NEBL: variants seen among roughly 807,000 people sequenced by gnomAD.
NEBL encodes nebulette, also known as LIM and SH3 protein 2.
Under a neutral mutation model 140.2 loss-of-function variants are expected in NEBL, and 122 were observed. The ratio of observed to expected loss-of-function variants is 0.87; its 90% CI spans 0.75 to 1.01. The LOEUF is 1.01. Ranked by LOEUF, NEBL falls within the 50% of genes least tolerant of loss-of-function variation. The probability of loss-of-function intolerance (pLI) is 0.00; values close to 1 mark genes in which losing one functional copy is unlikely to be tolerated. For missense variants in NEBL, 1,365 were observed against 1,231.3 expected (o/e 1.11, Z -1.62); for synonymous variants, 436 against 398.9 (o/e 1.09, Z -1.11).
At chr10:20,834,491 G>A (rs1272212014) in intron 14 of NEBL, among the ~76,000 whole-genome samples, 1 of 152,086 alleles carries the variant, frequency 6.6e-6, no homozygotes, top group East Asian at 1.9e-4. Flanking sequence ...CATTTCCCTG[G>A]CCAGTGCCTA....
intron 24 of NEBL, among the ~76,000 whole-genome samples, chr10:20,812,096 G>A (rs1588662102): frequency 6.6e-6 from 1 of 152,148 alleles, no homozygotes; most frequent in Non-Finnish European, 1.5e-5. Context: ...TTACTATTAT[G>A]GAGTACCATC....
chr10:20,955,971 C>A (rs889957941), intron 4 of NEBL, among the ~76,000 whole-genome samples: 2 of 151,344 alleles, frequency 1.3e-5, no homozygotes, highest in Admixed American at 1.3e-4. Context: ...TCTCAAACCT[C>A]CCCTTTAGAC....
At chr10:21,133,130 GTTAATTTTGTA>G (rs1839193139) in intron 2 of NEBL, among the ~76,000 whole-genome samples, 1 of 152,120 alleles carries the variant, frequency 6.6e-6, no homozygotes, top group African/African-American at 2.4e-5. Context: ...CCCATTTTGA[GTTAATTTTGTA>G]TGTGTGTGAG....
intron 26 of NEBL, among the ~76,000 whole-genome samples, chr10:20,801,639 T>C (rs1043510367): frequency 6.6e-6 from 1 of 152,074 alleles, no homozygotes; most frequent in Non-Finnish European, 1.5e-5. Flanking sequence ...GTTCCCAGTA[T>C]CTCACACATA....
chr10:20,831,294 T>C lies in NEBL; in HGVS notation c.1573A>G (p.Lys525Glu). 1 of 1,608,456 alleles carries C rather than the reference T, an allele frequency of 6.2e-7. No individual in the cohort carries two copies. Among genetic ancestry groups the C allele is most frequent in the Non-Finnish European group, 8.5e-7 (1 of 1,175,616 alleles). Residue 525 changes from lysine to glutamate, a missense_variant, in exon 16 of 28, where the codon AAG becomes GAG. This residue lies in a region of NEBL where 1,323 missense variants were observed against 1,154.8 expected (regional missense o/e 1.15). Coordinates refer to ENST00000377122, the MANE Select transcript of NEBL (RefSeq NM_006393.3). ...CCTTTAATTTCATTTTCTAAGTCCT[T>C]CTTGTATTGTTTCTAAAAGAACAGA... ...SEMASQKQYK[K>E]DLENEIKGKG...
chr10:20,986,263 C>A (rs756718335), intron 3 of NEBL, among the ~76,000 whole-genome samples: 2 of 152,110 alleles, frequency 1.3e-5, no homozygotes, highest in Non-Finnish European at 2.9e-5. Flanking sequence ...AGGTTGGTTC[C>A]GCTGTTGCAA....
In NEBL at chr10:20,869,824, G is replaced by T. The variant is rs371105861; in HGVS notation, c.498C>A (p.Asp166Glu). Residue 166 changes from aspartate to glutamate, a missense_variant, in exon 6 of 28, where the codon GAC becomes GAA. Asp to Glu is a conservative substitution (Grantham distance 45). This residue lies in a region of NEBL where 1,323 missense variants were observed against 1,154.8 expected (regional missense o/e 1.15). Coordinates refer to ENST00000377122, the MANE Select transcript of NEBL (RefSeq NM_006393.3). ...CACTGTACGTGTGGGTGTCCTGCAC[G>T]TCTTTCCTATAAGAAATCTGATCAG... ...KHQSNISYRK[D>E]VQDTHTYSAE... 15 of 1,611,594 alleles carry T rather than the reference G, an allele frequency of 9.3e-6. No homozygotes were observed. Among genetic ancestry groups the T allele is most frequent in the Middle Eastern group, 1.6e-4 (1 of 6,078 alleles).
chr10:21,121,169 T>C (rs975888971), intron 2 of NEBL, among the ~76,000 whole-genome samples: 4 of 152,292 alleles, frequency 2.6e-5, no homozygotes, highest in African/African-American at 9.6e-5. Context: ...TCATTCCTTA[T>C]CTCAAATGGC....
In NEBL at chr10:20,782,948, C is replaced by T. The variant is rs1835125286; in HGVS notation, c.*2799G>A. 1 of 152,606 alleles carries T rather than the reference C, an allele frequency of 6.6e-6. No individual in the cohort carries two copies. The highest frequency in any genetic ancestry group is 2.1e-4 in the South Asian group (1 of 4,830). 9.5% of individuals were successfully genotyped at this position (152,606 alleles called of 1,614,324 possible). On this transcript the variant is annotated 3_prime_UTR_variant, in exon 28 of 28. Coordinates refer to ENST00000377122, the MANE Select transcript of NEBL (RefSeq NM_006393.3). ...CCCTATACAGCTTTGTTTTCAGAAC[C>T]TTTTAAAAGTGTATCAAACTGTTCC...
At chr10:21,006,736 T>C (rs1056958410) in intron 3 of NEBL, among the ~76,000 whole-genome samples, 1 of 152,208 alleles carries the variant, frequency 6.6e-6, no homozygotes, top group Non-Finnish European at 1.5e-5. Flanking sequence ...TAGAGTCTGA[T>C]GGATGACAAG....
At chr10:20,854,481 T>C (rs910244094) in intron 9 of NEBL, among the ~76,000 whole-genome samples, 1 of 151,660 alleles carries the variant, frequency 6.6e-6, no homozygotes, top group African/African-American at 2.4e-5. Context: ...AGCTGCAATA[T>C]ATGTTCCCCC....
intron 24 of NEBL, among the ~76,000 whole-genome samples, chr10:20,812,255 T>C (rs1321724223): frequency 6.6e-6 from 1 of 152,168 alleles, no homozygotes; most frequent in Non-Finnish European, 1.5e-5. Context: ...AAAAACAAAG[T>C]AATTGTTCAA....
intron 3 of NEBL, among the ~76,000 whole-genome samples, chr10:21,012,588 G>A (rs1329761683): frequency 1.3e-5 from 2 of 152,004 alleles, no homozygotes; most frequent in Non-Finnish European, 2.9e-5. Context: ...TGCCTAGGCT[G>A]ATCTTGAATC....
chr10:21,122,546 A>G (rs1375589954), intron 2 of NEBL, among the ~76,000 whole-genome samples: 1 of 152,194 alleles, frequency 6.6e-6, no homozygotes, highest in Admixed American at 6.5e-5. Context: ...ATGGTGAGTG[A>G]TAAATATAAA....
chr10:20,796,220 G>A (rs541092987), intron 26 of NEBL, among the ~76,000 whole-genome samples: 56 of 151,926 alleles, frequency 3.7e-4, no homozygotes, highest in African/African-American at 1.3e-3. Context: ...AAAATTAGCA[G>A]GGCGTAGTGG....
At chr10:21,022,301 C>T (rs543286187) in intron 2 of NEBL, among the ~76,000 whole-genome samples, 3 of 152,264 alleles carry the variant, frequency 2.0e-5, no homozygotes, top group South Asian at 2.1e-4. Flanking sequence ...GTTTCAAACT[C>T]GACTCTCCTG....
chr10:20,796,389 A>AC (rs1836542538), intron 26 of NEBL, among the ~76,000 whole-genome samples: 1 of 149,866 alleles, frequency 6.7e-6, no homozygotes, highest in Non-Finnish European at 1.5e-5. Context: ...AAAAAAAAAA[A>AC]AAAAACTTCT....
chr10:20,941,221 C>CA (rs1719897395), intron 4 of NEBL, among the ~76,000 whole-genome samples: 1 of 152,212 alleles, frequency 6.6e-6, no homozygotes, highest in South Asian at 2.1e-4. Context: ...AGCAGCACTT[C>CA]AAAAAGCTTA....
chr10:20,835,495 A>G lies in NEBL; in HGVS notation c.1449+18T>C, dbSNP rs756374259. ...CCAAAATATGAGTCTTAAGGCCTGC[A>G]TCACGCACCCTACTAACCTCACTCG... On this transcript the variant is annotated intron_variant, in intron 14 of 27. Transcript: ENST00000377122. 1.3e-6 allele frequency: 2 copies of G among 1,566,060 alleles called. No individual in the cohort carries two copies. Among genetic ancestry groups the G allele is most frequent in the Non-Finnish European group, 1.8e-6 (2 of 1,139,252 alleles).
Sources: gnomAD v4.1 joint callset for allele counts (sites outside exome capture counted in the v4.1 genomes callset) on GRCh38, gnomAD v4.1.1 for gene constraint, gnomAD v4.1.1 regional missense constraint, MANE v1.5 for transcripts, NCBI Gene and HGNC (gene_info 2026-07-23, HGNC 2026-07-21) for gene names.